ATXN7: variants seen among roughly 807,000 people sequenced by gnomAD.
ATXN7 encodes the protein ataxin-7.
In ATXN7, 12 loss-of-function variants were observed where a neutral mutation model predicts 70.5. The observed-to-expected ratio is 0.17, with a 90% CI of 0.11 to 0.28. ATXN7 has a LOEUF of 0.28. ATXN7 is among the 10% of genes least tolerant of loss of function. The pLI is 1.00. For missense variants in ATXN7, 1,256 were observed against 1,131.7 expected, an observed-to-expected ratio of 1.11 and a Z score of -1.58; for synonymous variants, 498 against 448.7, an observed-to-expected ratio of 1.11 and a Z score of -1.39.
At chr3:63,971,493 A>G (rs534200767) in intron 5 of ATXN7, among the ~76,000 whole-genome samples, 49 of 152,310 alleles carry the variant, frequency 3.2e-4, no homozygotes, top group African/African-American at 1.1e-3. Flanking sequence ...GAGTAGGACC[A>G]TGTTTGCTTG....
chr3:63,913,366 AG>A (rs1378904919), intron 4 of ATXN7, 141 bp downstream of exon 4: 1 of 889,356 alleles, frequency 1.1e-6, no homozygotes, highest in Non-Finnish European at 1.7e-6. Flanking sequence ...GGAGGGAGGG[AG>A]GGGGCAGAGC....
chr3:63,994,081 G>A (rs1276569081), intron 11 of ATXN7, among the ~76,000 whole-genome samples: 1 of 152,118 alleles, frequency 6.6e-6, no homozygotes, highest in Non-Finnish European at 1.5e-5. Context: ...AGAAATGACT[G>A]ATGTCTGTCC....
intron 5 of ATXN7, 99 bp downstream of exon 5, chr3:63,952,582 C>CA: frequency 1.5e-6 from 1 of 670,666 alleles, no homozygotes; most frequent in Non-Finnish European, 2.3e-6. Flanking sequence ...CATAATGTCC[C>CA]TCCCCCACCA....
intron 1 of ATXN7, among the ~76,000 whole-genome samples, chr3:63,875,871 G>T (rs1163549296): frequency 3.3e-5 from 5 of 152,132 alleles, no homozygotes; most frequent in Admixed American, 3.3e-4. Flanking sequence ...TTGTAGTCTG[G>T]ATCATAAACT....
At chr3:63,864,310 G>T (rs1030203967) in intron 1 of ATXN7, among the ~76,000 whole-genome samples, 152 bp downstream of exon 1, 12 of 151,854 alleles carry the variant, frequency 7.9e-5, no homozygotes, top group African/African-American at 2.4e-4. Flanking sequence ...TCGTTTCCCT[G>T]GGGGGTGGGG....
Position 63,912,748 on chromosome 3 carries a change from C to A in ATXN7, c.150C>A (p.His50Gln). The A allele has an allele frequency of 1.5e-6, 2 of 1,303,600 alleles. No homozygotes were observed. The highest frequency in any genetic ancestry group is 2.5e-5 in the South Asian group (1 of 40,754). 80.8% of individuals were successfully genotyped at this position (1,303,600 alleles called of 1,614,324 possible). A position where few individuals can be genotyped will look rare whatever the true frequency, so the allele number is the denominator to read the frequency against. The change falls in exon 3 of 13, where the codon CAC (histidine) becomes CAA (glutamine). Residue 50 changes from histidine to glutamine, a missense_variant. Coordinates refer to ENST00000674280, the MANE Select transcript of ATXN7 (RefSeq NM_001377405.1). ...CTCCGCAGCCCCAGCGGCAGCAGCA[C>A]CCGCCACCGCCGCCACGGCGCACAC... ...PPPPQPQRQQ[H>Q]PPPPPRRTRP...
chr3:63,996,617 TAAAAAAAAAAA>T (rs752406394), intron 12 of ATXN7, 134 bp downstream of exon 12: 90 of 202,736 alleles, frequency 4.4e-4, no homozygotes, highest in African/African-American at 2.3e-3. Context: ...GGTGTCTTCT[TAAAAAAAAAAA>T]AAAAAAAAAA....
In ATXN7 at chr3:63,996,107, C is replaced by T. The variant is rs368650687; in HGVS notation, c.2285C>T (p.Thr762Met). Reference sequence around the variant, plus strand: ...CATAGCATCGGCCTCAACTGTGTGACGAATAAAGCAAATGCGGTGAACGTC... The same window carrying T: ...CATAGCATCGGCCTCAACTGTGTGATGAATAAAGCAAATGCGGTGAACGTC... Reference protein sequence around the residue: ...SSHSIGLNCVTNKANAVNVRH... With the variant: ...SSHSIGLNCVMNKANAVNVRH... The change falls in exon 12 of 13, where the codon ACG becomes ATG. Residue 762 changes from threonine to methionine, a missense_variant. Coordinates refer to ENST00000674280, the MANE Select transcript of ATXN7 (RefSeq NM_001377405.1). 49 of 1,614,044 alleles carry T rather than the reference C, an allele frequency of 3.0e-5. No individual in the cohort carries two copies. The African/African-American group carries it at 3.6e-4, about 12-fold the overall frequency.
Position 64,001,646 on chromosome 3 carries a change from G to A in ATXN7, c.*2179G>A, listed in dbSNP as rs1346029667. 6.6e-6 allele frequency: 1 copy of A among 152,120 alleles called. No individual in the cohort carries two copies. The highest frequency in any genetic ancestry group is 2.4e-5 in the African/African-American group (1 of 41,404). The allele number at this position is 152,120 out of a possible 1,614,324, so 9.4% of individuals were successfully genotyped here. On this transcript the variant is annotated 3_prime_UTR_variant, in exon 13 of 13. Transcript: ENST00000674280. The stretch of plus-strand genomic sequence containing the variant: ...TGAACATTTGATTTCTTAGACTGAG[G>A]TTTTAAATGAATTTCATTATTTCTC...
At chr3:63,939,794 C>G (rs1432571177) in intron 4 of ATXN7, among the ~76,000 whole-genome samples, 1 of 152,146 alleles carries the variant, frequency 6.6e-6, no homozygotes, top group Non-Finnish European at 1.5e-5. Context: ...TGAAAGCCAG[C>G]AGTCTAGCAG....
intron 1 of ATXN7, among the ~76,000 whole-genome samples, chr3:63,870,810 T>C (rs1702570186): frequency 6.6e-6 from 1 of 152,148 alleles, no homozygotes; most frequent in African/African-American, 2.4e-5. Flanking sequence ...GCCTTCCCTA[T>C]TCCCTTTCTG....
At chr3:63,900,636 G>A (rs1394925315) in intron 2 of ATXN7, 1 of 152,382 alleles carries the variant, frequency 6.6e-6, no homozygotes, top group African/African-American at 2.4e-5. Flanking sequence ...GAGAAGTTAA[G>A]AGGAAACATG....
chr3:63,988,448 A>G (rs772084922), intron 9 of ATXN7, 124 bp downstream of exon 9: 1 of 1,333,792 alleles, frequency 7.5e-7, no homozygotes, highest in Non-Finnish European at 1.0e-6. Flanking sequence ...ATAGTTTTTT[A>G]AGGAGTTTTA....
At chr3:63,863,408 C>G (rs926778817), upstream of ATXN7, 1 of 1,063,336 alleles carries the variant, frequency 9.4e-7, no homozygotes, top group Non-Finnish European at 1.1e-6. Context: ...CTAGACAAAC[C>G]CGGACTCCCT....
intron 9 of ATXN7, among the ~76,000 whole-genome samples, chr3:63,988,647 A>G (rs529778283): frequency 2.4e-4 from 37 of 152,314 alleles, no homozygotes; most frequent in Admixed American, 4.6e-4. Context: ...AACTCTTCAC[A>G]TGGCTTTGGC....
chr3:63,989,320 C>G (rs1033032701), intron 9 of ATXN7, among the ~76,000 whole-genome samples: 1 of 152,140 alleles, frequency 6.6e-6, no homozygotes, highest in African/African-American at 2.4e-5. Context: ...TTCCAGAGAC[C>G]ATTGTAGGTG....
At chr3:63,921,001 T>G (rs1704489916) in intron 4 of ATXN7, among the ~76,000 whole-genome samples, 1 of 152,206 alleles carries the variant, frequency 6.6e-6, no homozygotes, top group Non-Finnish European at 1.5e-5. Context: ...GCAGTTGGAG[T>G]TACTGTACTT....
chr3:64,001,230 T>C lies in ATXN7; in HGVS notation c.*1763T>C, dbSNP rs187302239. On this transcript the variant is annotated 3_prime_UTR_variant, in exon 13 of 13. Coordinates refer to ENST00000674280, the MANE Select transcript of ATXN7 (RefSeq NM_001377405.1). ...TATAAATTGATGTAAAATACTGATT[T>C]TTTTAAAGGAAGGAGAGAACAGTAT... The C allele has an allele frequency of 6.6e-6, 1 of 152,344 alleles. No homozygotes were observed. Among genetic ancestry groups the C allele is most frequent in the Admixed American group, 6.5e-5 (1 of 15,302 alleles). 9.4% of individuals were successfully genotyped at this position (152,344 alleles called of 1,614,324 possible).
intron 4 of ATXN7, among the ~76,000 whole-genome samples, chr3:63,924,555 G>A (rs62252363): frequency 0.031 from 4,773 of 152,308 alleles, 120 homozygotes; most frequent in South Asian, 0.067. Flanking sequence ...AAGGAAACCA[G>A]ATGAGTGTGA....
Sources: allele counts gnomAD v4.1 joint callset (sites outside exome capture counted in the v4.1 genomes callset), GRCh38; gene constraint gnomAD v4.1.1; transcripts MANE v1.5; gene names NCBI Gene and HGNC (gene_info 2026-07-23, HGNC 2026-07-21).